XDH: variants seen among roughly 807,000 people sequenced by gnomAD.
The protein encoded by XDH is xanthine dehydrogenase.
A neutral mutation model predicts 156.1 loss-of-function variants in XDH; 138 were observed. The observed-to-expected ratio is 0.88, with a 90% CI of 0.77 to 1.02. XDH has a LOEUF of 1.02. Among genes scored for constraint, XDH ranks in the 50% least tolerant of loss-of-function variants. XDH has a pLI of 0.00. For synonymous variants in XDH, 669 were observed against 625.7 expected (o/e 1.07, Z -1.03); for missense variants, 1,849 against 1,684.9 (o/e 1.10, Z -1.71).
At chr2:31,403,334 G>A (rs1687112385) in intron 2 of XDH, among the ~76,000 whole-genome samples, 190 bp from the exon 3 acceptor site, 1 of 152,186 alleles carries the variant, frequency 6.6e-6, no homozygotes, top group Non-Finnish European at 1.5e-5. Context: ...GGGAGGCAGG[G>A]AACACGGCCA....
intron 33 of XDH, among the ~76,000 whole-genome samples, chr2:31,340,852 G>A (rs796950969): frequency 9.2e-5 from 14 of 152,216 alleles, no homozygotes; most frequent in African/African-American, 3.4e-4. Context: ...TTCTGCTTAA[G>A]CCTTTGTGTT....
chr2:31,368,997 C>T (rs1010384179), intron 18 of XDH, among the ~76,000 whole-genome samples: 4 of 152,194 alleles, frequency 2.6e-5, no homozygotes, highest in Non-Finnish European at 5.9e-5. Context: ...TTCGGATTCA[C>T]TCCAACACCA....
At chr2:31,382,010 C>T (rs915187367) in intron 11 of XDH, among the ~76,000 whole-genome samples, 1 of 152,008 alleles carries the variant, frequency 6.6e-6, no homozygotes, top group African/African-American at 2.4e-5. Context: ...AACCTTTTCC[C>T]GAAAGGATTG....
chr2:31,369,576 T>C (rs1572536054), intron 18 of XDH, among the ~76,000 whole-genome samples: 3 of 152,134 alleles, frequency 2.0e-5, no homozygotes, highest in Non-Finnish European at 4.4e-5. Flanking sequence ...GTTAGTGCAA[T>C]GGTGGTTAAA....
rs36208390 is a variant in XDH at position 31,414,732 on chromosome 2, C to G, written c.-66G>C. 3,802 of 1,589,820 alleles carry G rather than the reference C, an allele frequency of 2.4e-3. 79 individuals carry two copies. The African/African-American group carries it at 0.046, about 19-fold the overall frequency. On this transcript the variant is annotated 5_prime_UTR_variant, in exon 1 of 36. Coordinates refer to ENST00000379416, the MANE Select transcript of XDH (RefSeq NM_000379.4). ...CTAAGAGACACTGGCAGGTAGTTAT[C>G]ACTGCTCTGTGACCTGAAAGTTACG...
chr2:31,344,188 T>C (rs757178900), intron 31 of XDH, among the ~76,000 whole-genome samples: 110 of 152,288 alleles, frequency 7.2e-4, no homozygotes, highest in Non-Finnish European at 7.3e-4. Flanking sequence ...AAGTTTCCAC[T>C]GTATTCTGCA....
intron 24 of XDH, among the ~76,000 whole-genome samples, chr2:31,360,661 G>A (rs1377292907): frequency 6.6e-6 from 1 of 152,178 alleles, no homozygotes; most frequent in Admixed American, 6.5e-5. Context: ...TTGGTTGTCA[G>A]ATTGAAAAAA....
chr2:31,400,726 C>T (rs1233039554), intron 4 of XDH, among the ~76,000 whole-genome samples: 2 of 152,242 alleles, frequency 1.3e-5, no homozygotes, highest in Non-Finnish European at 2.9e-5. Flanking sequence ...TGCTAACCTC[C>T]AGTCTAATGA....
chr2:31,368,606 T>C lies in XDH; in HGVS notation c.2035A>G (p.Thr679Ala), dbSNP rs1685986601. Residue 679 changes from threonine to alanine, a missense_variant, in exon 19 of 36, where the codon ACA becomes GCA. Transcript: ENST00000379416. ...TTCACCCCTTGGGCAGCTCTCTGTG[T>C]GTGTTCCGGGGTGTCAGCAACCACA... ...GAVVADTPEH[T>A]QRAAQGVKIT... is the part of the protein sequence containing the mutation. 2 of 1,614,242 alleles carry C rather than the reference T, an allele frequency of 1.2e-6. No individual in the cohort carries two copies. Among genetic ancestry groups the C allele is most frequent in the Non-Finnish European group, 1.7e-6 (2 of 1,180,028 alleles).
intron 3 of XDH, among the ~76,000 whole-genome samples, 198 bp from the exon 4 acceptor site, chr2:31,401,526 G>C (rs1687061388): frequency 6.6e-6 from 1 of 152,164 alleles, no homozygotes; most frequent in Non-Finnish European, 1.5e-5. Flanking sequence ...TCTCCTTATA[G>C]GTAAAGCTGA....
intron 3 of XDH, 86 bp from the exon 4 acceptor site, chr2:31,401,414 G>A: frequency 7.3e-7 from 1 of 1,378,236 alleles, no homozygotes; most frequent in Admixed American, 1.9e-5. Flanking sequence ...AGGACTTTGT[G>A]AGGCTTTATG....
At chr2:31,346,637 A>T (rs1685301973) in intron 30 of XDH, 132 bp downstream of exon 30, 1 of 1,122,784 alleles carries the variant, frequency 8.9e-7, no homozygotes, top group Non-Finnish European at 1.4e-6. Context: ...AAAATCACAC[A>T]AACCACCTCA....
chr2:31,401,779 G>C (rs983360428), intron 3 of XDH, among the ~76,000 whole-genome samples: 3 of 152,204 alleles, frequency 2.0e-5, no homozygotes, highest in Non-Finnish European at 4.4e-5. Context: ...TTTCTCTGTG[G>C]GGAAAGGGGG....
At chr2:31,374,986 CT>C (rs1686187993) in intron 15 of XDH, among the ~76,000 whole-genome samples, 1 of 146,976 alleles carries the variant, frequency 6.8e-6, no homozygotes, top group Non-Finnish European at 1.5e-5. Context: ...CATTCCCTTT[CT>C]TTTTTTCCTT....
chr2:31,350,588 A>C (rs1417093225), intron 24 of XDH, among the ~76,000 whole-genome samples: 1 of 151,752 alleles, frequency 6.6e-6, no homozygotes, highest in Non-Finnish European at 1.5e-5. Flanking sequence ...GTTGGCCTGG[A>C]AGGTCTCGAT....
intron 1 of XDH, among the ~76,000 whole-genome samples, chr2:31,407,630 C>A (rs1341349914): frequency 6.6e-6 from 1 of 152,114 alleles, no homozygotes; most frequent in Non-Finnish European, 1.5e-5. Flanking sequence ...GCTCCAAACA[C>A]CTAAAAGGCT....
At chr2:31,409,403 A>G (rs1274062007) in intron 1 of XDH, among the ~76,000 whole-genome samples, 1 of 152,228 alleles carries the variant, frequency 6.6e-6, no homozygotes, top group African/African-American at 2.4e-5. Flanking sequence ...CATGTACCCC[A>G]TAAATATGTA....
At chr2:31,349,537 A>C (rs1187423652) in intron 26 of XDH, 149 bp downstream of exon 26, 2 of 1,180,220 alleles carry the variant, frequency 1.7e-6, no homozygotes, top group African/African-American at 3.0e-5. Flanking sequence ...TCATTATAAG[A>C]TCTTAAAGAG....
At chr2:31,392,339 GAATTT>G in intron 6 of XDH, among the ~76,000 whole-genome samples, 1 of 151,656 alleles carries the variant, frequency 6.6e-6, no homozygotes, top group East Asian at 1.9e-4. Flanking sequence ...AGCTTACTTT[GAATTT>G]AATTTGCCTT....
Sources: gnomAD v4.1 joint callset for allele counts (sites outside exome capture counted in the v4.1 genomes callset) on GRCh38, gnomAD v4.1.1 for gene constraint, MANE v1.5 for transcripts, NCBI Gene and HGNC (gene_info 2026-07-23, HGNC 2026-07-21) for gene names.